Variants in DST observed in about 807,000 individuals in gnomAD.
DST encodes the protein dystonin.
In DST, 253 loss-of-function variants were observed where a neutral mutation model predicts 875.2. The observed-to-expected ratio is 0.29, with a 90% CI of 0.26 to 0.32. The LOEUF is 0.32. Among genes scored for constraint, DST ranks in the 10% least tolerant of loss-of-function variants. DST has a pLI of 1.00. For synonymous variants in DST, 3,124 were observed against 3,197.1 expected (o/e 0.98, Z 0.77); for missense variants, 8,287 against 9,111.6 (o/e 0.91, Z 3.68).
chr6:56,929,932 C>T (rs1226591640), intron 2 of DST, among the ~76,000 whole-genome samples: 1 of 152,190 alleles, frequency 6.6e-6, no homozygotes, highest in African/African-American at 2.4e-5. Flanking sequence ...TCACCCATCA[C>T]TGTAAGATAA....
chr6:56,795,824 C>G (rs1402516105), intron 4 of DST, among the ~76,000 whole-genome samples: 1 of 152,104 alleles, frequency 6.6e-6, no homozygotes. Flanking sequence ...GATCAATCAG[C>G]GCTTTCAAAA....
At chr6:56,537,940 A>T (rs1490332615) in intron 61 of DST, among the ~76,000 whole-genome samples, 1 of 152,194 alleles carries the variant, frequency 6.6e-6, no homozygotes, top group Non-Finnish European at 1.5e-5. Context: ...TAGGTGGATG[A>T]CTTCAACCCC....
In DST at chr6:56,512,916, G is replaced by A. The variant is rs141041853; in HGVS notation, c.18577-1516C>T. ...CATGTTTGCAATCTAGCTCCTGGGC[G>A]TCCCAGGCCAAGTTTTTATTTTTAT... On this transcript the variant is annotated intron_variant, in intron 72 of 103. Transcript: ENST00000680361. Among the ~76,000 whole-genome samples, 16 of 152,284 alleles carry A rather than the reference G, an allele frequency of 1.1e-4. No homozygotes were observed. In the East Asian group the frequency reaches 1.2e-3, roughly 11 times the overall value.
At chr6:56,577,487 T>TTA (rs1491165505) in intron 50 of DST, among the ~76,000 whole-genome samples, 1 of 152,214 alleles carries the variant, frequency 6.6e-6, no homozygotes, top group Non-Finnish European at 1.5e-5. Flanking sequence ...TTCACATGAC[T>TTA]TATACATACA....
chr6:56,753,329 G>C (rs138566819), intron 4 of DST, among the ~76,000 whole-genome samples: 1 of 152,130 alleles, frequency 6.6e-6, no homozygotes, highest in African/African-American at 2.4e-5. Flanking sequence ...ACATTCAAAT[G>C]GCTGCATATA....
intron 69 of DST, among the ~76,000 whole-genome samples, chr6:56,525,303 G>T (rs2096777938): frequency 1.3e-5 from 2 of 152,070 alleles, no homozygotes; most frequent in Non-Finnish European, 2.9e-5. Context: ...CTATAAAAAT[G>T]AGGCATACAA....
At chr6:56,699,527 A>G in intron 9 of DST, 126 bp downstream of exon 9, 1 of 569,090 alleles carries the variant, frequency 1.8e-6, no homozygotes, top group South Asian at 2.4e-5. Context: ...ATTCAAATAT[A>G]TTACTTAAAG....
intron 5 of DST, among the ~76,000 whole-genome samples, chr6:56,709,682 C>A (rs930736910): frequency 5.9e-5 from 9 of 152,114 alleles, no homozygotes; most frequent in African/African-American, 2.2e-4. Context: ...CCTTTAAGTT[C>A]TATGGGTACA....
Position 56,460,231 on chromosome 6 carries a change from C to T in DST, c.23094G>A (p.Lys7698=), listed in dbSNP as rs377080714. The T allele has an allele frequency of 3.3e-4, 540 of 1,613,992 alleles. No homozygotes were observed. The highest frequency in any genetic ancestry group is 1.5e-3 in the African/African-American group (115 of 75,044). The change falls in exon 103 of 104, where the codon AAG becomes AAA. Residue 7698 remains lysine (K), a synonymous_variant. Coordinates refer to ENST00000680361, the MANE Select transcript of DST (RefSeq NM_001374736.1). ...SAEGTPIQGS[K]LRLPGYLSGK... ...CTGATAAATATCCTGGAAGTCGAAG[C>T]TTGCTTCCTTGTATTGGCGTTCCCT...
chr6:56,666,283 A>G (rs915482452), intron 10 of DST, among the ~76,000 whole-genome samples: 7 of 152,174 alleles, frequency 4.6e-5, no homozygotes, highest in Non-Finnish European at 7.4e-5. Flanking sequence ...AATAACTTAT[A>G]ACAGTATAAT....
intron 14 of DST, 37 bp from the exon 15 acceptor site, chr6:56,646,030 T>G (rs775733966): frequency 6.3e-7 from 1 of 1,599,358 alleles, no homozygotes; most frequent in Non-Finnish European, 8.5e-7. Flanking sequence ...GAAGCAAAAA[T>G]GAAAACAAAA....
intron 4 of DST, among the ~76,000 whole-genome samples, chr6:56,744,790 T>A (rs2099567834): frequency 6.6e-6 from 1 of 152,152 alleles, no homozygotes; most frequent in Non-Finnish European, 1.5e-5. Context: ...ACCACAGAAA[T>A]CTCAGCCAAC....
intron 33 of DST, 143 bp downstream of exon 33, chr6:56,627,856 G>T: frequency 1.3e-6 from 1 of 757,208 alleles, no homozygotes. Context: ...GGTTTGGGTT[G>T]CAAGATTTTA....
At chr6:56,537,069 T>G (rs2097018670) in intron 61 of DST, 129 bp from the exon 62 acceptor site, 2 of 777,942 alleles carry the variant, frequency 2.6e-6, no homozygotes, top group Non-Finnish European at 4.0e-6. Context: ...TAATTTTTAT[T>G]GTCTAGCCAT....
intron 69 of DST, among the ~76,000 whole-genome samples, chr6:56,522,233 T>C (rs928619447): frequency 6.6e-6 from 1 of 152,126 alleles, no homozygotes; most frequent in Non-Finnish European, 1.5e-5. Flanking sequence ...TGTATTACCA[T>C]TAACTCCATT....
intron 4 of DST, among the ~76,000 whole-genome samples, chr6:56,739,219 T>G (rs2099537489): frequency 6.6e-6 from 1 of 151,268 alleles, no homozygotes; most frequent in South Asian, 2.1e-4. Flanking sequence ...AGGAAAACAA[T>G]GTAGAATTAC....
chr6:56,552,749 C>T lies in DST; in HGVS notation c.16043G>A (p.Gly5348Glu), dbSNP rs756798348. Residue 5348 changes from glycine to glutamate, a missense_variant, in exon 61 of 104, where the codon GGA becomes GAA. This residue lies in a region of DST where 1,513 missense variants were observed against 1,677.8 expected (regional missense o/e 0.90). Coordinates refer to ENST00000680361, the MANE Select transcript of DST (RefSeq NM_001374736.1). ...DLVVEASDSK[G>E]TSDVLLQVET... ...CACTTGTAATAAAACATCAGAGGTT[C>T]CCTTTGAGTCTGAGGCCTCTACCAC... 2.0e-5 allele frequency: 32 copies of T among 1,610,248 alleles called. 4 individuals are homozygous for T. The South Asian group carries it at 3.5e-4, about 18-fold the overall frequency.
intron 45 of DST, among the ~76,000 whole-genome samples, 158 bp downstream of exon 45, chr6:56,599,911 A>G (rs1423360398): frequency 6.6e-6 from 1 of 152,112 alleles, no homozygotes; most frequent in African/African-American, 2.4e-5. Flanking sequence ...TCTAACTTTT[A>G]GTATAAAGTT....
intron 64 of DST, 79 bp downstream of exon 64, chr6:56,532,265 T>C: frequency 1.5e-6 from 2 of 1,308,634 alleles, no homozygotes; most frequent in South Asian, 2.5e-5. Flanking sequence ...ATTTGAAGTA[T>C]TAACAAAATA....
Sources: gnomAD v4.1 joint callset for allele counts (sites outside exome capture counted in the v4.1 genomes callset) on GRCh38, gnomAD v4.1.1 for gene constraint, gnomAD v4.1.1 regional missense constraint, MANE v1.5 for transcripts, NCBI Gene and HGNC (gene_info 2026-07-23, HGNC 2026-07-21) for gene names.